Variants in KAZN observed in about 807,000 individuals in gnomAD.
The protein encoded by KAZN is kazrin, periplakin interacting protein, also known as kazrin.
In KAZN, 40 loss-of-function variants were observed where a neutral mutation model predicts 87.4. That is an observed-to-expected ratio of 0.46 (90% CI 0.36 to 0.60). KAZN has a LOEUF of 0.60. Among genes scored for constraint, KAZN ranks in the 20% least tolerant of loss-of-function variants. The probability of loss-of-function intolerance (pLI) is 0.00; values close to 1 mark genes in which losing one functional copy is unlikely to be tolerated. For missense variants in KAZN, 898 were observed against 1,073.9 expected (o/e 0.84, Z 2.29); for synonymous variants, 466 against 458.3 (o/e 1.02, Z -0.22).
chr1:14,273,137 ATTAACT>A (rs1432954025), intron 2 of KAZN, among the ~76,000 whole-genome samples: 1 of 152,110 alleles, frequency 6.6e-6, no homozygotes, highest in Non-Finnish European at 1.5e-5. Flanking sequence ...GGAATTGCAG[ATTAACT>A]TTAATATATA....
intron 4 of KAZN, among the ~76,000 whole-genome samples, chr1:15,053,400 G>A (rs7530766): frequency 3.7e-4 from 57 of 152,334 alleles, no homozygotes; most frequent in African/African-American, 1.3e-3. Context: ...CATTGTTCTT[G>A]CAGTAGGACA....
chr1:14,026,519 C>A (rs559859774), intron 1 of KAZN, among the ~76,000 whole-genome samples: 7 of 152,242 alleles, frequency 4.6e-5, no homozygotes, highest in African/African-American at 1.7e-4. Context: ...TCTATGCTAC[C>A]TGAGGCAGGG....
intron 1 of KAZN, among the ~76,000 whole-genome samples, chr1:14,623,500 A>C (rs1678875850): frequency 6.6e-6 from 1 of 152,246 alleles, no homozygotes; most frequent in South Asian, 2.1e-4. Context: ...AGAGGAGCAG[A>C]AAGGATGATT....
chr1:14,219,144 C>CTT, intron 2 of KAZN, among the ~76,000 whole-genome samples: 1 of 152,068 alleles, frequency 6.6e-6, no homozygotes, highest in African/African-American at 2.4e-5. Flanking sequence ...AAAGGGTAAC[C>CTT]TGTAGACTAA....
chr1:15,022,301 C>T (rs1670753865), intron 2 of KAZN, among the ~76,000 whole-genome samples: 1 of 152,292 alleles, frequency 6.6e-6, no homozygotes, highest in East Asian at 1.9e-4. Context: ...GCTTCCTTCT[C>T]AAGAGTCTGC....
intron 1 of KAZN, among the ~76,000 whole-genome samples, chr1:14,897,733 G>T (rs1655421174): frequency 1.3e-5 from 2 of 152,164 alleles, no homozygotes; most frequent in African/African-American, 4.8e-5. Flanking sequence ...CTGCAATCTG[G>T]CCGTTGTGAT....
chr1:15,098,464 A>C (rs1382675177), intron 10 of KAZN, among the ~76,000 whole-genome samples: 4 of 152,184 alleles, frequency 2.6e-5, no homozygotes, highest in Non-Finnish European at 4.4e-5. Context: ...GCCCCTCTCG[A>C]GTAGGTTAAG....
At chr1:14,166,522 A>G (rs1159558671) in intron 1 of KAZN, among the ~76,000 whole-genome samples, 1 of 152,190 alleles carries the variant, frequency 6.6e-6, no homozygotes, top group Non-Finnish European at 1.5e-5. Context: ...GGACCATTAC[A>G]TTACACAAAA....
In KAZN at chr1:14,735,531, AG is replaced by A. The variant is rs1643875335; in HGVS notation, c.226+136309del. 6.6e-6 allele frequency among the ~76,000 whole-genome samples: 1 copy of A among 152,154 alleles called. No individual in the cohort carries two copies. The highest frequency in any genetic ancestry group is 2.4e-5 in the African/African-American group (1 of 41,428). On this transcript the variant is annotated intron_variant, in intron 1 of 14. Transcript: ENST00000376030. This position sits in a 1 kb window ranked among gnomAD's most constrained non-coding sequence, Gnocchi z 4.3. ...GCCTGAGTGTCAAAGCCTCGCTGGT[AG>A]CCAGGCTCAGAGAGAATGTGCTAAA...
chr1:14,030,455 A>G (rs1641271778), intron 1 of KAZN, among the ~76,000 whole-genome samples: 1 of 150,954 alleles, frequency 6.6e-6, no homozygotes, highest in Non-Finnish European at 1.5e-5. Context: ...GGGGAGAGAT[A>G]GCATTGGGAG....
At chr1:14,008,299 G>A (rs575628599) in intron 1 of KAZN, among the ~76,000 whole-genome samples, 78 of 152,152 alleles carry the variant, frequency 5.1e-4, no homozygotes, top group Middle Eastern at 6.8e-3. Context: ...TCTCGCCACC[G>A]TCCCTATTGT....
intron 2 of KAZN, among the ~76,000 whole-genome samples, chr1:14,542,460 CT>C (rs1039337801): frequency 9.9e-5 from 15 of 152,186 alleles, no homozygotes; most frequent in East Asian, 1.9e-4. Flanking sequence ...AAAAAAAGAA[CT>C]AGGGTATAAC....
At chr1:14,185,038 A>G (rs572769132) in intron 2 of KAZN, among the ~76,000 whole-genome samples, 1 of 152,284 alleles carries the variant, frequency 6.6e-6, no homozygotes. Flanking sequence ...TATGCCTATG[A>G]ATGTGACCTG....
At chr1:14,076,799 C>A (rs1285743166) in intron 1 of KAZN, among the ~76,000 whole-genome samples, 4 of 152,164 alleles carry the variant, frequency 2.6e-5, no homozygotes, top group African/African-American at 7.2e-5. Context: ...AGTTTGCAGG[C>A]TCCTGCTCTC....
At chr1:13,909,426 G>T (rs908906164) in intron 1 of KAZN, among the ~76,000 whole-genome samples, 29 of 152,128 alleles carry the variant, frequency 1.9e-4, no homozygotes, top group African/African-American at 7.0e-4. Flanking sequence ...TAGGTAGTGA[G>T]GAGGAGAGCT....
At chr1:14,208,898 A>G (rs1399918426) in intron 2 of KAZN, among the ~76,000 whole-genome samples, 4 of 152,168 alleles carry the variant, frequency 2.6e-5, no homozygotes, top group African/African-American at 9.7e-5. Context: ...CATGCCCCAC[A>G]ACCCCCTTGA....
intron 1 of KAZN, among the ~76,000 whole-genome samples, chr1:14,651,379 T>C (rs766440173): frequency 1.1e-4 from 17 of 152,276 alleles, no homozygotes; most frequent in Non-Finnish European, 1.8e-4. Context: ...CCTGTAATGA[T>C]TGGGGAGGTT....
At chr1:13,927,399 C>G (rs949334369) in intron 1 of KAZN, among the ~76,000 whole-genome samples, 1 of 152,142 alleles carries the variant, frequency 6.6e-6, no homozygotes, top group African/African-American at 2.4e-5. Flanking sequence ...TTTACAGACA[C>G]CTAAAAGGGT....
intron 1 of KAZN, among the ~76,000 whole-genome samples, chr1:14,744,761 C>T (rs936027022): frequency 3.9e-5 from 6 of 152,122 alleles, no homozygotes; most frequent in Non-Finnish European, 8.8e-5. Flanking sequence ...AAAAGTGTAA[C>T]ATGCATCCAG....
Sources: gnomAD v4.1 joint callset for allele counts (sites outside exome capture counted in the v4.1 genomes callset) on GRCh38, gnomAD v4.1.1 for gene constraint, Gnocchi (gnomAD v3.1) non-coding constraint, MANE v1.5 for transcripts, NCBI Gene and HGNC (gene_info 2026-07-23, HGNC 2026-07-21) for gene names.